Variants in LIMCH1 observed in about 807,000 individuals in gnomAD.
LIMCH1 encodes the protein LIM and calponin homology domains-containing protein 1.
A neutral mutation model predicts 176.5 loss-of-function variants in LIMCH1; 113 were observed. The observed-to-expected ratio is 0.64, with a 90% CI of 0.55 to 0.75. The LOEUF (loss-of-function observed/expected upper bound fraction) is 0.75. Among genes scored for constraint, LIMCH1 ranks in the 30% least tolerant of loss-of-function variants. The pLI, the probability that LIMCH1 is intolerant of heterozygous loss-of-function variation, is 0.00. For synonymous variants in LIMCH1, 619 were observed against 645.9 expected (o/e 0.96, Z 0.63); for missense variants, 1,674 against 1,814.9 (o/e 0.92, Z 1.41).
At chr4:41,403,265 A>G (rs150956353) in intron 1 of LIMCH1, among the ~76,000 whole-genome samples, 1 of 152,142 alleles carries the variant, frequency 6.6e-6, no homozygotes, top group East Asian at 1.9e-4. Context: ...TAAGATGCAA[A>G]GAACTATGTT....
chr4:41,642,728 TTC>T lies in LIMCH1; in HGVS notation c.2127-1770_2127-1769del, dbSNP rs2093880614. On this transcript the variant is annotated intron_variant, in intron 14 of 31. Transcript: ENST00000503057. ...CGTGTGCTAGCATGCCTAATTTTTT[TTC>T]TTTTTTCTTTTTTTTTTTTTGTATT... is the stretch of plus-strand genomic sequence containing the variant. Among the ~76,000 whole-genome samples, 6 of 112,300 alleles carry T rather than the reference TTC, an allele frequency of 5.3e-5. No homozygotes were observed. The South Asian group carries it at 1.5e-3, about 28-fold the overall frequency. 73.7% of individuals were successfully genotyped at this position (112,300 alleles called of 152,430 possible).
In LIMCH1 at chr4:41,571,192, T is replaced by C. The variant is rs556069878; in HGVS notation, c.-240-27728T>C. On this transcript the variant is annotated intron_variant, in intron 1 of 31. Coordinates refer to ENST00000503057, the MANE Select transcript of LIMCH1 (RefSeq NM_001330672.2). The stretch of plus-strand genomic sequence containing the variant: ...ACACAGTCCTTGGAGGACTGTTCGT[T>C]AGGGTAGAAATGTTTTTTGTCTTGT... 5.3e-5 allele frequency among the ~76,000 whole-genome samples: 8 copies of C among 151,978 alleles called. No individual in the cohort carries two copies. The East Asian group carries it at 1.6e-3, about 30-fold the overall frequency.
intron 1 of LIMCH1, among the ~76,000 whole-genome samples, chr4:41,472,510 C>G (rs888902302): frequency 6.6e-6 from 1 of 152,064 alleles, no homozygotes; most frequent in Admixed American, 6.6e-5. Flanking sequence ...ACCTTTGCCT[C>G]TTGGGCCCAA....
intron 1 of LIMCH1, among the ~76,000 whole-genome samples, chr4:41,448,210 CATG>C (rs1342788567): frequency 6.6e-6 from 1 of 152,190 alleles, no homozygotes; most frequent in Non-Finnish European, 1.5e-5. Flanking sequence ...TGTCTGCAGT[CATG>C]ATGTAGGAGG....
At chr4:41,496,848 C>T (rs1251565085) in intron 2 of LIMCH1, among the ~76,000 whole-genome samples, 2 of 152,194 alleles carry the variant, frequency 1.3e-5, no homozygotes, top group African/African-American at 4.8e-5. Flanking sequence ...AGTGGAGCCA[C>T]ACAGGTGTCA....
chr4:41,378,109 G>A (rs1291947613), intron 1 of LIMCH1, among the ~76,000 whole-genome samples: 1 of 152,210 alleles, frequency 6.6e-6, no homozygotes, highest in Non-Finnish European at 1.5e-5. Flanking sequence ...ACCTCGAAGG[G>A]AACATGAGCA....
intron 18 of LIMCH1, among the ~76,000 whole-genome samples, chr4:41,655,921 G>A (rs2094451376): frequency 1.3e-5 from 2 of 151,706 alleles, no homozygotes; most frequent in Non-Finnish European, 2.9e-5. Context: ...CCCACCCATC[G>A]ACCCCTGTGT....
At position 41,689,533 on chromosome 4, in the gene LIMCH1, A is replaced by G. The variant is rs1191369655; in HGVS notation, c.4173A>G (p.Ile1391Met). Residue 1391 changes from isoleucine (I) to methionine (M), a missense_variant, in exon 30 of 32, where the codon ATA (isoleucine) becomes ATG (methionine). Transcript: ENST00000503057. ...TPPGQSPNRS[I>M]SGKKLCSSCG... is the part of the protein sequence containing the mutation. ...TGTATATTTTTAAACCTAGGTCTAT[A>G]AGTGGAAAGAAGCTGTGCTCTTCCT... 1.3e-6 allele frequency: 2 copies of G among 1,590,634 alleles called. No homozygotes were observed. The highest frequency in any genetic ancestry group is 8.6e-7 in the Non-Finnish European group (1 of 1,158,736).
intron 1 of LIMCH1, among the ~76,000 whole-genome samples, chr4:41,568,406 C>G (rs1246615606): frequency 6.6e-6 from 1 of 152,216 alleles, no homozygotes; most frequent in Admixed American, 6.5e-5. Context: ...AGTTACAACA[C>G]AAGAACTGTT....
intron 4 of LIMCH1, among the ~76,000 whole-genome samples, chr4:41,609,025 T>G (rs2091094695): frequency 6.6e-6 from 1 of 152,060 alleles, no homozygotes; most frequent in South Asian, 2.1e-4. Context: ...AAATTCCTAG[T>G]AATGTACCCT....
intron 1 of LIMCH1, among the ~76,000 whole-genome samples, chr4:41,549,569 A>C (rs1315606089): frequency 6.6e-6 from 1 of 152,182 alleles, no homozygotes; most frequent in Non-Finnish European, 1.5e-5. Context: ...TTAAAAAATG[A>C]AGAAACCAAG....
chr4:41,418,820 A>T (rs1431657612), intron 1 of LIMCH1: 1 of 152,218 alleles, frequency 6.6e-6, no homozygotes, highest in African/African-American at 2.4e-5. Context: ...AGAGAGAGAG[A>T]GAAACTGTGT....
chr4:41,663,134 C>CGT (rs60475434), intron 20 of LIMCH1, 150 bp downstream of exon 20: 24,036 of 404,740 alleles, frequency 0.059, 535 homozygotes, highest in East Asian at 0.14. Context: ...TTTTCTTTTT[C>CGT]GTGTGTGTGT....
At chr4:41,668,600 A>G (rs2094911335) in intron 21 of LIMCH1, among the ~76,000 whole-genome samples, 1 of 152,258 alleles carries the variant, frequency 6.6e-6, no homozygotes, top group Non-Finnish European at 1.5e-5. Context: ...ACCCAAGTCG[A>G]ATGACTAAAA....
At position 41,698,348 on chromosome 4, in the gene LIMCH1, A is replaced by G. The variant is rs1321261439; in HGVS notation, c.*1163A>G. The G allele has an allele frequency of 1.3e-5, 2 of 152,248 alleles. No homozygotes were observed. Among genetic ancestry groups the G allele is most frequent in the African/African-American group, 4.8e-5 (2 of 41,456 alleles). 9.4% of individuals were successfully genotyped at this position (152,248 alleles called of 1,614,324 possible). A position where few individuals can be genotyped will look rare whatever the true frequency, so the allele number is the denominator to read the frequency against. On this transcript the variant is annotated 3_prime_UTR_variant, in exon 32 of 32. Coordinates refer to ENST00000503057, the MANE Select transcript of LIMCH1 (RefSeq NM_001330672.2). The stretch of plus-strand genomic sequence containing the variant: ...TTCTCCATCACTTTTTTTGCTATCA[A>G]GAACTCCGGACCTTGCCCATGGAGA...
chr4:41,661,326 C>T, intron 18 of LIMCH1, 94 bp from the exon 19 acceptor site: 1 of 848,184 alleles, frequency 1.2e-6, no homozygotes, highest in Non-Finnish European at 1.9e-6. Context: ...ATGGCCAAAC[C>T]ACTTTGTTGA....
intron 1 of LIMCH1, among the ~76,000 whole-genome samples, chr4:41,480,383 T>C (rs1477075478): frequency 4.6e-5 from 7 of 152,078 alleles, no homozygotes; most frequent in African/African-American, 1.7e-4. Context: ...CCGAGGTGGA[T>C]GGATCAGGAG....
intron 1 of LIMCH1, among the ~76,000 whole-genome samples, chr4:41,434,322 A>G (rs2061869674): frequency 1.3e-5 from 2 of 152,208 alleles, no homozygotes; most frequent in African/African-American, 4.8e-5. Flanking sequence ...ACAGATGTCC[A>G]TGGAATATCT....
chr4:41,444,313 TACAC>T (rs71198657), intron 1 of LIMCH1, among the ~76,000 whole-genome samples: 14,140 of 133,908 alleles, frequency 0.11, 728 homozygotes, highest in Middle Eastern at 0.12. Flanking sequence ...TGTATATATA[TACAC>T]ACACACACAC....
Sources: gnomAD v4.1 joint callset for allele counts (sites outside exome capture counted in the v4.1 genomes callset) on GRCh38, gnomAD v4.1.1 for gene constraint, MANE v1.5 for transcripts, NCBI Gene and HGNC (gene_info 2026-07-23, HGNC 2026-07-21) for gene names.